Variants in KHDRBS2 observed in about 807,000 individuals in gnomAD.
KHDRBS2 encodes KH domain-containing, RNA-binding, signal transduction-associated protein 2.
A neutral mutation model predicts 44.3 loss-of-function variants in KHDRBS2; 26 were observed. The ratio of observed to expected loss-of-function variants is 0.59; its 90% CI spans 0.43 to 0.81. The LOEUF is 0.81. Ranked by LOEUF, KHDRBS2 falls within the 40% of genes least tolerant of loss-of-function variation. The pLI is 0.00. For missense variants in KHDRBS2, 476 were observed against 433.1 expected (o/e 1.10, Z -0.88); for synonymous variants, 194 against 151.1 (o/e 1.28, Z -2.08).
chr6:62,023,789 G>T (rs1207997395), intron 3 of KHDRBS2, among the ~76,000 whole-genome samples: 1 of 151,050 alleles, frequency 6.6e-6, no homozygotes, highest in Non-Finnish European at 1.5e-5. Flanking sequence ...CCATACATTT[G>T]AGAATATTTA....
chr6:61,562,121 T>A, the KHDRBS2 span, among the ~76,000 whole-genome samples: 40 of 152,190 alleles, frequency 2.6e-4, no homozygotes, highest in Non-Finnish European at 4.6e-4. Context: ...ATTCAGTTAA[T>A]TTTTCTTGCA....
chr6:61,593,585 T>G, the KHDRBS2 span, among the ~76,000 whole-genome samples: 1 of 152,078 alleles, frequency 6.6e-6, no homozygotes, highest in Non-Finnish European at 1.5e-5. Flanking sequence ...AATTTTAGTC[T>G]TATTATACTT....
At chr6:62,081,351 T>C (rs188410587) in intron 2 of KHDRBS2, among the ~76,000 whole-genome samples, 1 of 152,128 alleles carries the variant, frequency 6.6e-6, no homozygotes, top group Non-Finnish European at 1.5e-5. Flanking sequence ...GAAAGTAAAG[T>C]GTTATACTTG....
At chr6:61,568,958 TAGGAGTTGCTGCTGACAGAGTGGGC>T in the KHDRBS2 span, among the ~76,000 whole-genome samples, 1 of 89,398 alleles carries the variant, frequency 1.1e-5, no homozygotes, top group Non-Finnish European at 2.5e-5. Flanking sequence ...GATATAAGCA[TAGGAGTTGCTGCTGACAGAGTGGGC>T]ATATGGGGAA....
intron 2 of KHDRBS2, among the ~76,000 whole-genome samples, chr6:62,156,885 C>T (rs1816545913): frequency 6.9e-6 from 1 of 145,400 alleles, no homozygotes; most frequent in African/African-American, 2.5e-5. Flanking sequence ...CGGGGTTTCA[C>T]CGTGTTAGCC....
chr6:61,849,264 CTAAT>C (rs954633403), intron 6 of KHDRBS2, among the ~76,000 whole-genome samples: 1 of 152,014 alleles, frequency 6.6e-6, no homozygotes, highest in Non-Finnish European at 1.5e-5. Context: ...CACTGGTTCT[CTAAT>C]TAATTAATTA....
chr6:62,135,652 T>A (rs986866459), intron 2 of KHDRBS2, among the ~76,000 whole-genome samples: 2 of 151,810 alleles, frequency 1.3e-5, no homozygotes, highest in African/African-American at 4.8e-5. Context: ...AATGAATGGG[T>A]AAAGAAATAG....
chr6:61,601,188 C>G, the KHDRBS2 span, among the ~76,000 whole-genome samples: 1 of 152,044 alleles, frequency 6.6e-6, no homozygotes, highest in Non-Finnish European at 1.5e-5. Context: ...TCTCTACCCT[C>G]TCTTCTCTCC....
At chr6:62,200,883 CACCATGGAAT>C (rs1268910708) in intron 1 of KHDRBS2, among the ~76,000 whole-genome samples, 1 of 151,348 alleles carries the variant, frequency 6.6e-6, no homozygotes, top group East Asian at 1.9e-4. Context: ...GGCACATATA[CACCATGGAAT>C]ACTATGCAGC....
At chr6:61,823,005 C>T (rs1790207309) in intron 6 of KHDRBS2, among the ~76,000 whole-genome samples, 2 of 151,946 alleles carry the variant, frequency 1.3e-5, no homozygotes, top group Admixed American at 6.6e-5. Context: ...TTTTTTTTTA[C>T]TATTAAATCT....
chr6:61,862,800 C>A (rs1411373625), intron 6 of KHDRBS2, among the ~76,000 whole-genome samples: 1 of 151,998 alleles, frequency 6.6e-6, no homozygotes, highest in East Asian at 1.9e-4. Context: ...GATATCTCTG[C>A]CAGGTTTTGG....
intron 6 of KHDRBS2, among the ~76,000 whole-genome samples, chr6:61,773,001 T>C (rs962799350): frequency 6.6e-6 from 1 of 152,238 alleles, no homozygotes; most frequent in African/African-American, 2.4e-5. Flanking sequence ...TAGTATTCCG[T>C]GGTGTATATG....
At chr6:62,003,820 C>G (rs2127261657) in intron 3 of KHDRBS2, among the ~76,000 whole-genome samples, 1 of 152,302 alleles carries the variant, frequency 6.6e-6, no homozygotes, top group Admixed American at 6.5e-5. Context: ...AACTCTCTCT[C>G]AGACCACAGT....
chr6:61,567,717 C>A, the KHDRBS2 span, among the ~76,000 whole-genome samples: 1 of 96,596 alleles, frequency 1.0e-5, no homozygotes, highest in Non-Finnish European at 2.4e-5. Flanking sequence ...CTTCCTCTCT[C>A]CCTCCTTCTC....
intron 6 of KHDRBS2, among the ~76,000 whole-genome samples, chr6:61,796,954 T>C (rs1448725820): frequency 6.6e-6 from 1 of 152,194 alleles, no homozygotes; most frequent in Non-Finnish European, 1.5e-5. Flanking sequence ...CTGTATTTTA[T>C]GTTTCCATTT....
In KHDRBS2 at chr6:61,729,802, A is replaced by G. The variant is rs185681877; in HGVS notation, c.893+2880T>C. Among the ~76,000 whole-genome samples the G allele has an allele frequency of 2.0e-5, 3 of 152,244 alleles. No homozygotes were observed. The East Asian group carries it at 5.8e-4, about 29-fold the overall frequency. On this transcript the variant is annotated intron_variant, in intron 7 of 8. Coordinates refer to ENST00000281156, the MANE Select transcript of KHDRBS2 (RefSeq NM_152688.4). ...TTTTAAAAGGCAGGTTATTTATCTG[A>G]TTCTAAAGTTTTAGCAGTTTTTGCA... is the stretch of plus-strand genomic sequence containing the variant.
intron 6 of KHDRBS2, among the ~76,000 whole-genome samples, chr6:61,749,918 A>T (rs1489756414): frequency 7.9e-5 from 12 of 152,198 alleles, no homozygotes; most frequent in Non-Finnish European, 1.5e-5. Context: ...TTTAAAGAAG[A>T]ATCTTGTGTT....
At chr6:62,128,506 A>C (rs760412005) in intron 2 of KHDRBS2, among the ~76,000 whole-genome samples, 7 of 151,880 alleles carry the variant, frequency 4.6e-5, no homozygotes, top group Non-Finnish European at 1.0e-4. Flanking sequence ...GACACCATTT[A>C]AGTCAAAAAT....
chr6:61,957,140 C>T (rs772362850), intron 4 of KHDRBS2, among the ~76,000 whole-genome samples: 3 of 152,270 alleles, frequency 2.0e-5, no homozygotes, highest in Non-Finnish European at 4.4e-5. Context: ...CCAATCAATA[C>T]CCTTGTGGTT....
Sources: gnomAD v4.1 joint callset for allele counts (sites outside exome capture counted in the v4.1 genomes callset) on GRCh38, gnomAD v4.1.1 for gene constraint, MANE v1.5 for transcripts, NCBI Gene and HGNC (gene_info 2026-07-23, HGNC 2026-07-21) for gene names.